Variants in EDNRA observed in about 807,000 individuals in gnomAD.
The protein encoded by EDNRA is endothelin receptor type A, also known as endothelin-1 receptor.
Under a neutral mutation model 41.4 loss-of-function variants are expected in EDNRA, and 11 were observed. That is an observed-to-expected ratio of 0.27 (90% CI 0.17 to 0.44). EDNRA has a LOEUF of 0.44. Ranked by LOEUF, EDNRA falls within the 20% of genes least tolerant of loss-of-function variation. The pLI, the probability that EDNRA is intolerant of heterozygous loss-of-function variation, is 1.00. For missense variants in EDNRA, 294 were observed against 531.0 expected, an observed-to-expected ratio of 0.55 and a Z score of 4.39; for synonymous variants, 172 against 183.0, an observed-to-expected ratio of 0.94 and a Z score of 0.49.
rs1402696408 is a variant in EDNRA at position 147,525,904 on chromosome 4, TC to T, written c.548+5927del. ...TGAACCCATCATTTCAAATAATTGA[TC>T]AGTGGTCTCTGTGATATTCTCAAAG... On this transcript the variant is annotated intron_variant, in intron 3 of 7. Coordinates refer to ENST00000651419, the MANE Select transcript of EDNRA (RefSeq NM_001957.4). 3.9e-5 allele frequency among the ~76,000 whole-genome samples: 6 copies of T among 152,358 alleles called. No individual in the cohort carries two copies. In the East Asian group the frequency reaches 1.2e-3, roughly 29 times the overall value.
At chr4:147,537,876 T>C (rs1426329615) in intron 5 of EDNRA, among the ~76,000 whole-genome samples, 2 of 120,678 alleles carry the variant, frequency 1.7e-5, no homozygotes, top group Non-Finnish European at 3.4e-5. Context: ...AGAGCAAGTG[T>C]GGCTGAAAGT....
chr4:147,482,079 A>G (rs1191265616), intron 1 of EDNRA, among the ~76,000 whole-genome samples: 1 of 152,236 alleles, frequency 6.6e-6, no homozygotes, highest in African/African-American at 2.4e-5. Context: ...CGTTGTCTCT[A>G]AGGAGAGTTG....
intron 3 of EDNRA, 49 bp from the exon 4 acceptor site, chr4:147,532,457 A>G: frequency 6.4e-7 from 1 of 1,562,664 alleles, no homozygotes; most frequent in Non-Finnish European, 8.8e-7. Flanking sequence ...TTTAATTGAA[A>G]TACATTTAAA....
chr4:147,483,239 C>T (rs1486967826), intron 1 of EDNRA, among the ~76,000 whole-genome samples: 1 of 152,218 alleles, frequency 6.6e-6, no homozygotes, highest in East Asian at 1.9e-4. Flanking sequence ...CTGACAAATA[C>T]ATGGCCTGCC....
At chr4:147,536,236 G>A (rs1055380850) in intron 5 of EDNRA, among the ~76,000 whole-genome samples, 7 of 152,084 alleles carry the variant, frequency 4.6e-5, no homozygotes, top group Non-Finnish European at 8.8e-5. Context: ...CTGAAGGCTG[G>A]GCCCAAATAG....
At chr4:147,495,269 C>T (rs2126394082) in intron 2 of EDNRA, 1 of 152,322 alleles carries the variant, frequency 6.6e-6, no homozygotes, top group African/African-American at 2.4e-5. Context: ...ACTGTTCTTC[C>T]ACACACCTCG....
intron 2 of EDNRA, among the ~76,000 whole-genome samples, chr4:147,487,461 A>C (rs1728988042): frequency 6.6e-6 from 1 of 152,206 alleles, no homozygotes; most frequent in African/African-American, 2.4e-5. Flanking sequence ...TATTTTCCTC[A>C]GCCTTGTTTT....
At chr4:147,500,940 T>C (rs745332911) in intron 2 of EDNRA, among the ~76,000 whole-genome samples, 6 of 152,214 alleles carry the variant, frequency 3.9e-5, no homozygotes, top group Admixed American at 6.5e-5. Context: ...CATTGACCTA[T>C]TCGTGATTTT....
intron 2 of EDNRA, among the ~76,000 whole-genome samples, chr4:147,501,364 A>G (rs1362600310): frequency 6.6e-6 from 1 of 152,240 alleles, no homozygotes; most frequent in Non-Finnish European, 1.5e-5. Flanking sequence ...ACAGTCTCAC[A>G]CATTTATGCC....
At chr4:147,506,170 A>G (rs1004134276) in intron 2 of EDNRA, 4 of 527,830 alleles carry the variant, frequency 7.6e-6, no homozygotes, top group Non-Finnish European at 1.5e-5. Context: ...GCCAAGACTC[A>G]AGGAAGGACT....
At chr4:147,493,824 A>C (rs1400180177) in intron 2 of EDNRA, 1 of 152,182 alleles carries the variant, frequency 6.6e-6, no homozygotes, top group Non-Finnish European at 1.5e-5. Context: ...TTTTTGCAGA[A>C]GAGCAACCTG....
chr4:147,530,023 C>G (rs1340831729), intron 3 of EDNRA, among the ~76,000 whole-genome samples: 2 of 152,150 alleles, frequency 1.3e-5, no homozygotes, highest in Non-Finnish European at 2.9e-5. Context: ...AAAATGACTT[C>G]TACTTATTTG....
intron 5 of EDNRA, among the ~76,000 whole-genome samples, chr4:147,536,699 G>T (rs994187823): frequency 6.6e-6 from 1 of 152,190 alleles, no homozygotes; most frequent in Non-Finnish European, 1.5e-5. Context: ...TAGGAAATGG[G>T]ATCATGTACA....
In EDNRA at chr4:147,523,487, TG is replaced by T. The variant is rs770553798; in HGVS notation, c.548+3510del. ...TTTTTTTTTGTTGTTGTTGTTTTTT[TG>T]TTTTTTTTGTTTTTTTTTTTGAGAT... On this transcript the variant is annotated intron_variant, in intron 3 of 7. Coordinates refer to ENST00000651419, the MANE Select transcript of EDNRA (RefSeq NM_001957.4). 6.6e-4 allele frequency among the ~76,000 whole-genome samples: 93 copies of T among 140,350 alleles called. 1 individual carries two copies. The highest frequency in any genetic ancestry group is 1.1e-3 in the African/African-American group (35 of 32,376). 92.1% of individuals were successfully genotyped at this position (140,350 alleles called of 152,430 possible). A position where few individuals can be genotyped will look rare whatever the true frequency, so the allele number is the denominator to read the frequency against.
chr4:147,523,797 TTAGTCTTA>T (rs1170563866), intron 3 of EDNRA, among the ~76,000 whole-genome samples: 1 of 152,112 alleles, frequency 6.6e-6, no homozygotes, highest in Non-Finnish European at 1.5e-5. Flanking sequence ...TCCTGTTTTG[TTAGTCTTA>T]AGATCTGTTC....
rs1161284684 is a variant in EDNRA at position 147,504,596 on chromosome 4, G to GA, written c.421-15247dup. On this transcript the variant is annotated intron_variant, in intron 2 of 7. Coordinates refer to ENST00000651419, the MANE Select transcript of EDNRA (RefSeq NM_001957.4). ...AAACTCATGAAACATGATCCATAAG[G>GA]AAAAAAAATTGGACCTTATCAAAAT... 9.2e-5 allele frequency among the ~76,000 whole-genome samples: 14 copies of GA among 151,722 alleles called. 1 individual carries two copies. In the South Asian group the frequency reaches 2.5e-3, roughly 27 times the overall value.
chr4:147,543,077 G>GGGC lies in EDNRA; in HGVS notation c.*460_*462dup, dbSNP rs1399125874. The GGGC allele has an allele frequency of 2.0e-5, 3 of 152,110 alleles. No individual in the cohort carries two copies. The highest frequency in any genetic ancestry group is 7.3e-5 in the African/African-American group (3 of 41,296). 9.4% of individuals were successfully genotyped at this position (152,110 alleles called of 1,614,324 possible). ...TTTGTCCTTCAGCCAAACACAATAT[G>GGGC]GGCTCAAGTCACTTTTATTTGAAAT... On this transcript the variant is annotated 3_prime_UTR_variant, in exon 8 of 8. Coordinates refer to ENST00000651419, the MANE Select transcript of EDNRA (RefSeq NM_001957.4).
At chr4:147,487,329 A>G (rs966768417) in intron 2 of EDNRA, among the ~76,000 whole-genome samples, 2 of 152,214 alleles carry the variant, frequency 1.3e-5, no homozygotes, top group African/African-American at 4.8e-5. Context: ...CATATTCCAT[A>G]TTTGGTCTAG....
intron 3 of EDNRA, among the ~76,000 whole-genome samples, chr4:147,522,871 T>C (rs1054874855): frequency 2.0e-5 from 3 of 152,178 alleles, no homozygotes; most frequent in Non-Finnish European, 4.4e-5. Context: ...AGTTTAATTT[T>C]ATACATTTTA....
Sources: allele counts gnomAD v4.1 joint callset (sites outside exome capture counted in the v4.1 genomes callset), GRCh38; gene constraint gnomAD v4.1.1; transcripts MANE v1.5; gene names NCBI Gene and HGNC (gene_info 2026-07-23, HGNC 2026-07-21).